The following EFCAB6 variants were observed in gnomAD, a reference collection of about 807,000 sequenced individuals.
The protein encoded by EFCAB6 is EF-hand calcium binding domain 6, also known as EF-hand calcium-binding domain-containing protein 6.
Under a neutral mutation model 169.8 loss-of-function variants are expected in EFCAB6, and 156 were observed. The ratio of observed to expected loss-of-function variants is 0.92; its 90% confidence interval spans 0.81 to 1.05. The LOEUF is 1.05. Among genes scored for constraint, EFCAB6 ranks in the 50% least tolerant of loss-of-function variants. The probability of loss-of-function intolerance (pLI) is 0.00; values close to 1 mark genes in which losing one functional copy is unlikely to be tolerated. For synonymous variants in EFCAB6, 698 were observed against 676.4 expected, an observed-to-expected ratio of 1.03 and a Z score of -0.50; for missense variants, 1,800 against 1,829.1, an observed-to-expected ratio of 0.98 and a Z score of 0.29.
At chr22:43,778,069 A>T (rs1035142859) in intron 3 of EFCAB6, among the ~76,000 whole-genome samples, 1 of 152,256 alleles carries the variant, frequency 6.6e-6, no homozygotes, top group Non-Finnish European at 1.5e-5. Context: ...GGATGCAAAG[A>T]AACTACAATT....
At chr22:43,743,018 C>T (rs1168415379) in intron 6 of EFCAB6, among the ~76,000 whole-genome samples, 3 of 152,234 alleles carry the variant, frequency 2.0e-5, no homozygotes, top group Non-Finnish European at 2.9e-5. Context: ...AAGCCAAGCC[C>T]GTTACCTAAC....
At chr22:43,644,822 G>C (rs1000262813) in intron 17 of EFCAB6, among the ~76,000 whole-genome samples, 4 of 152,210 alleles carry the variant, frequency 2.6e-5, no homozygotes, top group Non-Finnish European at 5.9e-5. Flanking sequence ...CTAAGTGCAA[G>C]CTTCAAAAAC....
intron 26 of EFCAB6, among the ~76,000 whole-genome samples, chr22:43,559,176 AC>A (rs1401605860): frequency 1.3e-5 from 2 of 152,244 alleles, no homozygotes; most frequent in Non-Finnish European, 2.9e-5. Context: ...CAAGAAAAAA[AC>A]AACCCCATCA....
At chr22:43,648,208 A>C (rs2056283593) in intron 17 of EFCAB6, among the ~76,000 whole-genome samples, 1 of 152,166 alleles carries the variant, frequency 6.6e-6, no homozygotes, top group Non-Finnish European at 1.5e-5. Context: ...CATTTTAGGA[A>C]AAAGGAAGCT....
In EFCAB6 at chr22:43,795,364, C is replaced by T. The variant is rs544015545; in HGVS notation, c.-7-13039G>A. On this transcript the variant is annotated intron_variant, in intron 2 of 31. Coordinates refer to ENST00000262726, the MANE Select transcript of EFCAB6 (RefSeq NM_022785.4). This position sits in a 1 kb window ranked among gnomAD's most constrained non-coding sequence, Gnocchi z 4.2. ...ACCTGGGGACGATGGAGACATTGAT[C>T]TTTTTATGTTAAATGTTCTTTAATA... is the stretch of plus-strand genomic sequence containing the variant. Among the ~76,000 whole-genome samples, 1 of 152,240 alleles carries T rather than the reference C, an allele frequency of 6.6e-6. No individual in the cohort carries two copies. Among genetic ancestry groups the T allele is most frequent in the Non-Finnish European group, 1.5e-5 (1 of 68,014 alleles).
chr22:43,769,812 C>T (rs565341931), intron 4 of EFCAB6, among the ~76,000 whole-genome samples: 2 of 151,310 alleles, frequency 1.3e-5, no homozygotes, highest in South Asian at 2.1e-4. Flanking sequence ...TTAGCGTGAT[C>T]GTGGCTCACT....
chr22:43,555,273 C>T (rs1301307917), intron 26 of EFCAB6, among the ~76,000 whole-genome samples, 177 bp from the exon 27 acceptor site: 5 of 152,318 alleles, frequency 3.3e-5, no homozygotes, highest in Admixed American at 6.5e-5. Flanking sequence ...TCAGGCCCTG[C>T]TGAGCAGAAG....
chr22:43,707,494 G>A (rs2059000014), intron 10 of EFCAB6, among the ~76,000 whole-genome samples: 1 of 151,966 alleles, frequency 6.6e-6, no homozygotes, highest in African/African-American at 2.4e-5. Flanking sequence ...AAACTGTAAA[G>A]TAACAAAAAG....
rs953695342 is a variant in EFCAB6 at position 43,795,225 on chromosome 22, C to T, written c.-7-12900G>A. ...GAAAATATGTAGAAATATCAGAACA[C>T]GTTTAGGACAATGTCAAGAGAACAA... On this transcript the variant is annotated intron_variant, in intron 2 of 31. Transcript: ENST00000262726. This position sits in a 1 kb window ranked among gnomAD's most constrained non-coding sequence, Gnocchi z 4.2. Among the ~76,000 whole-genome samples the T allele has an allele frequency of 3.3e-5, 5 of 152,066 alleles. No individual in the cohort carries two copies. The highest frequency in any genetic ancestry group is 6.5e-5 in the Admixed American group (1 of 15,276).
intron 2 of EFCAB6, among the ~76,000 whole-genome samples, chr22:43,803,494 T>C (rs1381260085): frequency 6.6e-6 from 1 of 152,152 alleles, no homozygotes; most frequent in Non-Finnish European, 1.5e-5. Context: ...AATACCGTGA[T>C]TGGTTATGGA....
At chr22:43,580,411 T>C (rs748036954) in intron 25 of EFCAB6, 53 bp downstream of exon 25, 8 of 1,587,474 alleles carry the variant, frequency 5.0e-6, no homozygotes, top group Non-Finnish European at 6.0e-6. Flanking sequence ...CTGAGAGGTG[T>C]TTTCATGAAT....
chr22:43,654,898 G>C (rs1313770708), intron 17 of EFCAB6, among the ~76,000 whole-genome samples: 1 of 152,182 alleles, frequency 6.6e-6, no homozygotes, highest in East Asian at 1.9e-4. Context: ...AGAGCAGCAA[G>C]AGTAAATATG....
intron 26 of EFCAB6, among the ~76,000 whole-genome samples, chr22:43,555,477 T>C (rs560885354): frequency 2.0e-5 from 3 of 152,184 alleles, no homozygotes; most frequent in Non-Finnish European, 4.4e-5. Flanking sequence ...GGCCAGGGAA[T>C]GAACAGGGAT....
At chr22:43,599,090 A>T (rs1259381497) in intron 23 of EFCAB6, among the ~76,000 whole-genome samples, 15 of 152,160 alleles carry the variant, frequency 9.9e-5, no homozygotes, top group South Asian at 6.2e-4. Context: ...TACTGCCCAA[A>T]ACGTAATGGC....
At chr22:43,660,238 A>G (rs1395207214) in intron 17 of EFCAB6, among the ~76,000 whole-genome samples, 2 of 152,182 alleles carry the variant, frequency 1.3e-5, no homozygotes, top group Non-Finnish European at 1.5e-5. Context: ...GTCGTTGGGT[A>G]TTTTGTCATG....
chr22:43,616,975 G>C (rs942079854), intron 20 of EFCAB6, among the ~76,000 whole-genome samples: 3 of 152,190 alleles, frequency 2.0e-5, no homozygotes, highest in Admixed American at 6.5e-5. Context: ...TCTTCTGAGA[G>C]GTCATCTCTT....
chr22:43,608,673 T>C, intron 21 of EFCAB6, 73 bp from the exon 22 acceptor site: 1 of 1,430,788 alleles, frequency 7.0e-7, no homozygotes, highest in Non-Finnish European at 9.8e-7. Context: ...GTTCAATTAG[T>C]CAATATGTGG....
At chr22:43,635,275 C>T in intron 17 of EFCAB6, 59 bp from the exon 18 acceptor site, 9 of 1,203,172 alleles carry the variant, frequency 7.5e-6, no homozygotes, top group Non-Finnish European at 2.5e-6. Flanking sequence ...GTCACTACTC[C>T]CAGAGCACCT....
rs1163346832 is a variant in EFCAB6 at position 43,589,280 on chromosome 22, C to CAAAAAAA, written c.3032+787_3032+793dup. On this transcript the variant is annotated intron_variant, in intron 24 of 31. Transcript: ENST00000262726. Reference sequence around the variant, plus strand: ...TGGGTAACAGAGGGAGACTTCATGTCAAAAAAAAAAAAAAAAAAAAAAAAA... The same window carrying CAAAAAAA: ...TGGGTAACAGAGGGAGACTTCATGTCAAAAAAAAAAAAAAAAAAAAAAAAAAAAAAAA... Among the ~76,000 whole-genome samples the CAAAAAAA allele has an allele frequency of 5.9e-4, 48 of 80,930 alleles. 1 individual carries two copies. The highest frequency in any genetic ancestry group is 7.9e-4 in the Non-Finnish European group (33 of 41,664). The allele number at this position is 80,930 out of a possible 152,430, so 53.1% of individuals were successfully genotyped here. A position where few individuals can be genotyped will look rare whatever the true frequency, so the allele number is the denominator to read the frequency against.
Sources: allele counts gnomAD v4.1 joint callset (sites outside exome capture counted in the v4.1 genomes callset), GRCh38; gene constraint gnomAD v4.1.1; non-coding constraint Gnocchi (gnomAD v3.1); transcripts MANE v1.5; gene names NCBI Gene and HGNC (gene_info 2026-07-23, HGNC 2026-07-21).